RNASET2: variants seen among roughly 807,000 people sequenced by gnomAD.
RNASET2 encodes the protein ribonuclease 6.
RNASET2 carries 28 observed loss-of-function variants against 33.9 expected under a neutral mutation model. That is an observed-to-expected ratio of 0.83 (90% confidence interval 0.61 to 1.13). The LOEUF (loss-of-function observed/expected upper bound fraction) is 1.13, where lower values mean the gene tolerates loss of function less well. Ranked by LOEUF, RNASET2 falls within the 50% of genes most tolerant of loss-of-function variation. The probability of loss-of-function intolerance (pLI) is 0.00; values close to 1 mark genes in which losing one functional copy is unlikely to be tolerated. For missense variants in RNASET2, 330 were observed against 319.9 expected, an observed-to-expected ratio of 1.03 and a Z score of -0.24; for synonymous variants, 123 against 121.0, an observed-to-expected ratio of 1.02 and a Z score of -0.11.
rs1562506728 is a variant in RNASET2, at chr6:166,955,237, ACGCACACACACG to A, written c.86+848_86+859del. On this transcript the variant is annotated intron_variant, in intron 1 of 8. Transcript: ENST00000508775. ...CGCACACACGCGCACACACGCACGCACGCACACACACGCACACACGCACACACACACACGCGC... is the reference window on the plus strand; with the variant it reads ...CGCACACACGCGCACACACGCACGCACACACACGCACACACACACACGCGC... Among the ~76,000 whole-genome samples, 34 of 118,600 alleles carry A rather than the reference ACGCACACACACG, an allele frequency of 2.9e-4. 1 individual carries two copies. The highest frequency in any genetic ancestry group is 8.3e-4 in the African/African-American group (22 of 26,600). The allele number at this position is 118,600 out of a possible 152,430, so 77.8% of individuals were successfully genotyped here.
intron 2 of RNASET2, among the ~76,000 whole-genome samples, chr6:166,950,376 T>C (rs764578990): frequency 6.6e-6 from 1 of 152,148 alleles, no homozygotes; most frequent in Non-Finnish European, 1.5e-5. Flanking sequence ...CAACATTAAG[T>C]CTGCAAAACT....
chr6:166,955,323 A>ACACG (rs1417803762), intron 1 of RNASET2, among the ~76,000 whole-genome samples: 2 of 70,218 alleles, frequency 2.8e-5, no homozygotes, highest in Non-Finnish European at 5.0e-5. Context: ...ACACGCACAC[A>ACACG]CACGCACGCA....
At chr6:166,944,227 C>T (rs545750855) in intron 4 of RNASET2, among the ~76,000 whole-genome samples, 58 of 152,154 alleles carry the variant, frequency 3.8e-4, no homozygotes, top group Non-Finnish European at 5.9e-4. Context: ...GGGCACCAGT[C>T]GCGCTAAATC....
In RNASET2 at chr6:166,924,861, C is replaced by T. The variant is rs1778280605; in HGVS notation, c.*4727G>A. On this transcript the variant is annotated 3_prime_UTR_variant, in exon 9 of 9. Coordinates refer to ENST00000508775, the MANE Select transcript of RNASET2 (RefSeq NM_003730.6). The stretch of plus-strand genomic sequence containing the variant: ...TGGAGTGGGCCCAAGAGGAAAAGAT[C>T]CCTGCTTATGGCCATGTCCCAGTGC... Among the ~76,000 whole-genome samples the T allele has an allele frequency of 6.6e-6, 1 of 152,160 alleles. No homozygotes were observed. Among genetic ancestry groups the T allele is most frequent in the African/African-American group, 2.4e-5 (1 of 41,426 alleles).
intron 1 of RNASET2, chr6:166,952,849 C>G (rs1432338510): frequency 2.5e-6 from 1 of 396,152 alleles, no homozygotes; most frequent in East Asian, 5.4e-5. Context: ...GAGGGCCTCA[C>G]TGAAGGGAAG....
rs549200154 is a variant in RNASET2, at chr6:166,924,812, C to T, written c.*4776G>A. ...TACTAAAAATACAAAATTAGCCGGG[C>T]ATGGTGGCATATGCCACCACTCTTG... On this transcript the variant is annotated 3_prime_UTR_variant, in exon 9 of 9. Coordinates refer to ENST00000508775, the MANE Select transcript of RNASET2 (RefSeq NM_003730.6). 1.6e-3 allele frequency among the ~76,000 whole-genome samples: 251 copies of T among 152,230 alleles called. 1 individual carries two copies. The highest frequency in any genetic ancestry group is 5.5e-3 in the African/African-American group (230 of 41,520).
At chr6:166,931,331 C>T (rs182485900) in intron 7 of RNASET2, 94 of 593,566 alleles carry the variant, frequency 1.6e-4, no homozygotes, top group East Asian at 4.2e-4. Flanking sequence ...ACAAGCCGCT[C>T]GCTGCGGCTC....
chr6:166,932,203 T>A (rs1369393781), intron 7 of RNASET2: 2 of 152,478 alleles, frequency 1.3e-5, no homozygotes, highest in Non-Finnish European at 2.9e-5. Context: ...TATCCCTTCC[T>A]CTCCAGCTGC....
At chr6:166,942,421 T>C (rs555505006) in intron 5 of RNASET2, among the ~76,000 whole-genome samples, 1 of 152,342 alleles carries the variant, frequency 6.6e-6, no homozygotes, top group Admixed American at 6.5e-5. Context: ...CTGTCTGATA[T>C]GGACTAATTC....
At chr6:166,951,210 T>A (rs77739713) in intron 2 of RNASET2, among the ~76,000 whole-genome samples, 9,891 of 152,292 alleles carry the variant, frequency 0.065, 659 homozygotes, top group East Asian at 0.18. Context: ...TTATTTCTTC[T>A]ATGCATTTCA....
chr6:166,925,441 C>T lies in RNASET2; in HGVS notation c.*4147G>A, dbSNP rs1778290565. The stretch of plus-strand genomic sequence containing the variant: ...GCCCGTCCTCACCTACACTGCACAG[C>T]CCTCACCTCTGCCACCCAGGCCTCA... On this transcript the variant is annotated 3_prime_UTR_variant, in exon 9 of 9. Transcript: ENST00000508775. Among the ~76,000 whole-genome samples the T allele has an allele frequency of 1.3e-5, 2 of 149,816 alleles. No homozygotes were observed. The highest frequency in any genetic ancestry group is 3.0e-5 in the Non-Finnish European group (2 of 67,470).
At chr6:166,953,879 C>CAAAAAAAAAAAAA (rs548523987) in intron 1 of RNASET2, among the ~76,000 whole-genome samples, 44 of 110,712 alleles carry the variant, frequency 4.0e-4, no homozygotes, top group African/African-American at 1.4e-3. Context: ...GACCCTGTCT[C>CAAAAAAAAAAAAA]AAAAAAAAAA....
rs143458579 is a variant in RNASET2 at position 166,924,600 on chromosome 6, C to A, written c.*4988G>T. On this transcript the variant is annotated 3_prime_UTR_variant, in exon 9 of 9. Coordinates refer to ENST00000508775, the MANE Select transcript of RNASET2 (RefSeq NM_003730.6). ...TCCCTTTCTTCAGGTTCCGAGGAAGCCTTCCCTGGCCGCCTTCATAACTCT... is the reference window on the plus strand; with the variant it reads ...TCCCTTTCTTCAGGTTCCGAGGAAGACTTCCCTGGCCGCCTTCATAACTCT... 2.0e-5 allele frequency among the ~76,000 whole-genome samples: 3 copies of A among 152,262 alleles called. No individual in the cohort carries two copies. The highest frequency in any genetic ancestry group is 1.9e-4 in the East Asian group (1 of 5,164).
chr6:166,944,487 C>T (rs1224576250), intron 4 of RNASET2, among the ~76,000 whole-genome samples: 8 of 150,834 alleles, frequency 5.3e-5, no homozygotes, highest in Non-Finnish European at 8.9e-5. Flanking sequence ...CCCACCCCAC[C>T]TCTCCTGCCC....
At chr6:166,940,087 G>A (rs2128645369) in intron 5 of RNASET2, among the ~76,000 whole-genome samples, 1 of 152,290 alleles carries the variant, frequency 6.6e-6, no homozygotes, top group Admixed American at 6.5e-5. Context: ...CCACTGCACT[G>A]GGCTGTCATC....
At chr6:166,954,067 C>T (rs1779049475) in intron 1 of RNASET2, among the ~76,000 whole-genome samples, 1 of 152,174 alleles carries the variant, frequency 6.6e-6, no homozygotes, top group African/African-American at 2.4e-5. Context: ...TTGTAACAAA[C>T]TCTCCATCTA....
chr6:166,952,896 T>C, intron 1 of RNASET2: 2 of 323,336 alleles, frequency 6.2e-6, no homozygotes, highest in Non-Finnish European at 1.2e-5. Flanking sequence ...CTAAGGATGC[T>C]CAAGAGAAAT....
At chr6:166,955,841 C>G (rs1296496682) in intron 1 of RNASET2, 1 of 879,632 alleles carries the variant, frequency 1.1e-6, no homozygotes, top group Non-Finnish European at 1.4e-6. Context: ...CCTCATCGCA[C>G]TCCTTCCCAG....
rs576639665 is a variant in RNASET2, at chr6:166,923,228, C to CTTTTTTTTTTTTTTTTTTTTTTTT, written c.*6359_*6360insAAAAAAAAAAAAAAAAAAAAAAAA. On this transcript the variant is annotated 3_prime_UTR_variant, in exon 9 of 9. Coordinates refer to ENST00000508775, the MANE Select transcript of RNASET2 (RefSeq NM_003730.6). ...ACAGGCGTGAGCCACCAGGCCCGGC[C>CTTTTTTTTTTTTTTTTTTTTTTTT]TTTTTTTTTTTTTTTTTTTTTGAGA... Among the ~76,000 whole-genome samples the CTTTTTTTTTTTTTTTTTTTTTTTT allele has an allele frequency of 4.9e-5, 5 of 102,656 alleles. No homozygotes were observed. Among genetic ancestry groups the CTTTTTTTTTTTTTTTTTTTTTTTT allele is most frequent in the South Asian group, 3.1e-4 (1 of 3,222 alleles). 67.3% of individuals were successfully genotyped at this position (102,656 alleles called of 152,430 possible). A position where few individuals can be genotyped will look rare whatever the true frequency, so the allele number is the denominator to read the frequency against.
Sources: allele counts gnomAD v4.1 joint callset (sites outside exome capture counted in the v4.1 genomes callset), GRCh38; gene constraint gnomAD v4.1.1; transcripts MANE v1.5; gene names NCBI Gene and HGNC (gene_info 2026-07-23, HGNC 2026-07-21).